NEGR1: variants seen among roughly 807,000 people sequenced by gnomAD.
NEGR1 encodes the protein IgLON family member 4.
Under a neutral mutation model 40.9 loss-of-function variants are expected in NEGR1, and 10 were observed. That is an observed-to-expected ratio of 0.24 (90% CI 0.15 to 0.42). The LOEUF (loss-of-function observed/expected upper bound fraction) is 0.42, where lower values mean the gene tolerates loss of function less well. Ranked by LOEUF, NEGR1 falls within the 10% of genes least tolerant of loss-of-function variation. NEGR1 has a pLI of 1.00. For missense variants in NEGR1, 352 were observed against 438.9 expected, an observed-to-expected ratio of 0.80 and a Z score of 1.77; for synonymous variants, 185 against 166.8, an observed-to-expected ratio of 1.11 and a Z score of -0.84.
At chr1:71,418,075 CTTTTT>C (rs34107424) in intron 6 of NEGR1, among the ~76,000 whole-genome samples, 2 of 140,494 alleles carry the variant, frequency 1.4e-5, no homozygotes, top group Non-Finnish European at 3.1e-5. Context: ...CCAGGGTACA[CTTTTT>C]TTTTTTTTTT....
Position 71,826,014 on chromosome 1 carries a change from C to T in NEGR1, c.410-49717G>A, listed in dbSNP as rs114136601. 2.8e-3 allele frequency among the ~76,000 whole-genome samples: 425 copies of T among 151,948 alleles called. 3 individuals carry two copies. The highest frequency in any genetic ancestry group is 9.6e-3 in the African/African-American group (400 of 41,522). On this transcript the variant is annotated intron_variant, in intron 2 of 6. Transcript: ENST00000357731. ...GGTATTGGCATTCTCAGCTTTCATA[C>T]GCCACAAAGAAGATGCATGATAGAA...
chr1:71,699,522 A>G (rs1016718189), intron 3 of NEGR1, among the ~76,000 whole-genome samples: 3 of 152,066 alleles, frequency 2.0e-5, no homozygotes, highest in East Asian at 3.9e-4. Flanking sequence ...CTAGGCTTAA[A>G]TGTGTCTGTA....
chr1:71,997,640 T>C (rs1031146728), intron 1 of NEGR1, among the ~76,000 whole-genome samples: 6 of 152,032 alleles, frequency 3.9e-5, no homozygotes, highest in African/African-American at 1.2e-4. Flanking sequence ...GAATCTATTA[T>C]AGTACCTTGT....
chr1:72,043,464 A>G (rs1027417821), intron 1 of NEGR1, among the ~76,000 whole-genome samples: 2 of 151,824 alleles, frequency 1.3e-5, no homozygotes, highest in Non-Finnish European at 2.9e-5. Context: ...ATGCTTATGT[A>G]TAACATTTTC....
chr1:71,508,332 G>A (rs1478090921), intron 6 of NEGR1, among the ~76,000 whole-genome samples: 1 of 152,116 alleles, frequency 6.6e-6, no homozygotes, highest in Admixed American at 6.5e-5. Flanking sequence ...ACCCCAGGAG[G>A]GAGGGAAAAA....
At chr1:71,585,476 G>C (rs568591728) in intron 6 of NEGR1, among the ~76,000 whole-genome samples, 28 of 152,000 alleles carry the variant, frequency 1.8e-4, no homozygotes, top group African/African-American at 6.5e-4. Context: ...ATGTGTTTTT[G>C]GTACCTAATC....
chr1:72,056,024 A>G (rs767706106), intron 1 of NEGR1, among the ~76,000 whole-genome samples: 7 of 150,896 alleles, frequency 4.6e-5, no homozygotes, highest in Non-Finnish European at 8.9e-5. Flanking sequence ...GAATGTGTAT[A>G]TTTCTCTTCT....
intron 1 of NEGR1, among the ~76,000 whole-genome samples, chr1:72,281,291 CAT>C (rs1214145337): frequency 1.3e-5 from 2 of 152,162 alleles, no homozygotes; most frequent in Admixed American, 6.5e-5. Flanking sequence ...AGTGTGTACA[CAT>C]GTGTGAGTGA....
intron 4 of NEGR1, among the ~76,000 whole-genome samples, chr1:71,657,003 T>C (rs1464904164): frequency 6.6e-6 from 1 of 152,240 alleles, no homozygotes; most frequent in East Asian, 1.9e-4. Flanking sequence ...GCTTCAAAAA[T>C]AATAGCCAGG....
At chr1:71,960,128 A>G (rs1315310148) in intron 1 of NEGR1, among the ~76,000 whole-genome samples, 1 of 152,080 alleles carries the variant, frequency 6.6e-6, no homozygotes, top group Non-Finnish European at 1.5e-5. Flanking sequence ...CACATATGGT[A>G]CTCTTTTCTT....
intron 4 of NEGR1, among the ~76,000 whole-genome samples, chr1:71,633,615 G>A (rs1197971627): frequency 6.6e-6 from 1 of 152,024 alleles, no homozygotes; most frequent in Non-Finnish European, 1.5e-5. Context: ...AGTTAGAGAG[G>A]GAGAGAGGAG....
chr1:72,005,455 A>G (rs2100390284), intron 1 of NEGR1, among the ~76,000 whole-genome samples: 1 of 152,272 alleles, frequency 6.6e-6, no homozygotes, highest in South Asian at 2.1e-4. Context: ...TCTCTTGACA[A>G]ATTATAATTT....
At chr1:72,116,226 T>A (rs2100279889) in intron 1 of NEGR1, among the ~76,000 whole-genome samples, 1 of 151,884 alleles carries the variant, frequency 6.6e-6, no homozygotes, top group South Asian at 2.1e-4. Flanking sequence ...ATACTAGCAT[T>A]CTGTACTTAA....
At chr1:71,940,481 C>A (rs1349576506) in intron 1 of NEGR1, among the ~76,000 whole-genome samples, 1 of 152,168 alleles carries the variant, frequency 6.6e-6, no homozygotes, top group Admixed American at 6.6e-5. Flanking sequence ...AAACATCTGG[C>A]TATTGGAAAA....
At chr1:71,472,858 AT>A (rs1203689001) in intron 6 of NEGR1, among the ~76,000 whole-genome samples, 1 of 152,108 alleles carries the variant, frequency 6.6e-6, no homozygotes, top group Non-Finnish European at 1.5e-5. Context: ...TACATATAAA[AT>A]ATTATATAAA....
intron 3 of NEGR1, among the ~76,000 whole-genome samples, chr1:71,747,885 A>G (rs944006576): frequency 2.6e-5 from 4 of 151,604 alleles, no homozygotes; most frequent in Admixed American, 2.0e-4. Context: ...TCTGGCTTCC[A>G]AAGTTTTAGG....
intron 1 of NEGR1, among the ~76,000 whole-genome samples, chr1:72,051,437 C>T (rs951367562): frequency 5.3e-5 from 8 of 151,428 alleles, no homozygotes; most frequent in African/African-American, 1.7e-4. Flanking sequence ...ATGAATCCAG[C>T]TCACTTATGG....
rs139308466 is a variant in NEGR1, at chr1:71,748,706, A to G, written c.535+27466T>C. On this transcript the variant is annotated intron_variant, in intron 3 of 6. Transcript: ENST00000357731. ...GTATTATAATTATTGGAAAAAATTT[A>G]CCTAAGGACTATTCGGTGCTCACAT... is the stretch of plus-strand genomic sequence containing the variant. Among the ~76,000 whole-genome samples the G allele has an allele frequency of 7.1e-3, 1,080 of 152,262 alleles. 13 individuals carry two copies. The highest frequency in any genetic ancestry group is 0.024 in the African/African-American group (987 of 41,576).
intron 6 of NEGR1, among the ~76,000 whole-genome samples, chr1:71,445,731 A>T (rs919697479): frequency 1.3e-5 from 2 of 152,248 alleles, no homozygotes; most frequent in Admixed American, 1.3e-4. Flanking sequence ...CTTCTTACGT[A>T]CCAGCAAGCA....
Sources: allele counts gnomAD v4.1 joint callset (sites outside exome capture counted in the v4.1 genomes callset), GRCh38; gene constraint gnomAD v4.1.1; transcripts MANE v1.5; gene names NCBI Gene and HGNC (gene_info 2026-07-23, HGNC 2026-07-21).